Variants in TNPO2 observed in about 807,000 individuals in gnomAD.
The protein encoded by TNPO2 is transportin 2, also known as transportin-2.
In TNPO2, 16 loss-of-function variants were observed where a neutral mutation model predicts 111.1. That is an observed-to-expected ratio of 0.14 (90% CI 0.10 to 0.22). The LOEUF (loss-of-function observed/expected upper bound fraction) is 0.22, where lower values mean the gene tolerates loss of function less well. TNPO2 is among the 10% of genes least tolerant of loss of function. The pLI is 1.00. For synonymous variants in TNPO2, 481 were observed against 475.8 expected, an observed-to-expected ratio of 1.01 and a Z score of -0.14; for missense variants, 530 against 1,173.7, an observed-to-expected ratio of 0.45 and a Z score of 8.01.
chr19:12,722,753 A>C (rs1184103541), intron 2 of TNPO2, among the ~76,000 whole-genome samples: 1 of 151,846 alleles, frequency 6.6e-6, no homozygotes, highest in Non-Finnish European at 1.5e-5. Flanking sequence ...GTGACCAAAG[A>C]GTTGCCGTTT....
At chr19:12,703,320 C>A (rs1385522695) in intron 20 of TNPO2, 108 bp downstream of exon 20, 4 of 1,009,960 alleles carry the variant, frequency 4.0e-6, no homozygotes, top group East Asian at 2.4e-5. Flanking sequence ...CCCTGACGAC[C>A]CCCAAGAGAC....
At position 12,715,719 on chromosome 19, in the gene TNPO2, C is replaced by T. The variant is rs757941948; in HGVS notation, c.346G>A (p.Ala116Thr). 3.1e-6 allele frequency: 5 copies of T among 1,612,522 alleles called. No homozygotes were observed. The highest frequency in any genetic ancestry group is 1.7e-5 in the Admixed American group (1 of 59,786). ...ATIGILITTI[A>T]SKGELQMWPE... ...CACATCTGCAGCTCACCCTTGGAAG[C>T]GATGGTGGTGATGAGAATGCCTGGG... The change falls in exon 6 of 26, where the codon GCT (alanine) becomes ACT (threonine). Residue 116 changes from alanine (A) to threonine (T), a missense_variant. Coordinates refer to ENST00000425528, the MANE Select transcript of TNPO2 (RefSeq NM_001382241.1). The surrounding 1 kb of genome is among the most constrained non-coding windows in gnomAD (Gnocchi z 7.1).
rs1201557384 is a variant in TNPO2 at position 12,702,392 on chromosome 19, T to TTTTTG, written c.2306-220_2306-216dup. On this transcript the variant is annotated intron_variant, in intron 21 of 25. Transcript: ENST00000425528. The surrounding 1 kb of genome is among the most constrained non-coding windows in gnomAD (Gnocchi z 5.5). Reference sequence around the variant, plus strand: ...TTCCTTTCCCTTTCCTTTTTGTTTTTTTTTGTTTTGTTTTGTTTTTGAGAT... The same window carrying TTTTTG: ...TTCCTTTCCCTTTCCTTTTTGTTTTTTTTTGTTTTGTTTTGTTTTGTTTTTGAGAT... 4.4e-6 allele frequency: 3 copies of TTTTTG among 685,070 alleles called. No individual in the cohort carries two copies. The highest frequency in any genetic ancestry group is 3.0e-5 in the South Asian group (2 of 66,242). 42.4% of individuals were successfully genotyped at this position (685,070 alleles called of 1,614,324 possible).
chr19:12,701,517 C>A lies in TNPO2; in HGVS notation c.2587-64G>T. 1.3e-6 allele frequency: 2 copies of A among 1,595,160 alleles called. No homozygotes were observed. Among genetic ancestry groups the A allele is most frequent in the African/African-American group, 1.3e-5 (1 of 74,656 alleles). On this transcript the variant is annotated intron_variant, in intron 24 of 25. Transcript: ENST00000425528. The surrounding 1 kb of genome is among the most constrained non-coding windows in gnomAD (Gnocchi z 5.0). Reference sequence around the variant, plus strand: ...AACAAGGGGAGTGCGCCTCTTCCCCCATCCCCAGGCCCCATTGTTACCAGA... The same window carrying A: ...AACAAGGGGAGTGCGCCTCTTCCCCAATCCCCAGGCCCCATTGTTACCAGA...
intron 20 of TNPO2, chr19:12,703,146 G>GT (rs905431771): frequency 3.4e-6 from 2 of 587,048 alleles, no homozygotes; most frequent in Non-Finnish European, 6.0e-6. Flanking sequence ...AGTCGCTAAG[G>GT]TGACAACACG....
At chr19:12,713,361 C>T (rs994609819) in intron 10 of TNPO2, among the ~76,000 whole-genome samples, 19 of 151,944 alleles carry the variant, frequency 1.3e-4, no homozygotes, top group East Asian at 1.9e-4. Context: ...AATTTGGGGC[C>T]GGGCACAGGG....
intron 13 of TNPO2, among the ~76,000 whole-genome samples, chr19:12,709,955 G>C (rs1344515175): frequency 1.3e-5 from 2 of 152,152 alleles, no homozygotes; most frequent in Admixed American, 6.5e-5. Context: ...ACAAGGTTGA[G>C]GGTTTTTGCT....
intron 10 of TNPO2, among the ~76,000 whole-genome samples, chr19:12,713,848 C>CAA: frequency 6.6e-6 from 1 of 152,200 alleles, no homozygotes; most frequent in Admixed American, 6.6e-5. Flanking sequence ...AGCAACTTAG[C>CAA]AAGACCTCAT....
chr19:12,708,278 T>C (rs2025820876), intron 13 of TNPO2, among the ~76,000 whole-genome samples: 1 of 152,056 alleles, frequency 6.6e-6, no homozygotes, highest in Non-Finnish European at 1.5e-5. Flanking sequence ...ACTACAGGTA[T>C]GCACCACCAC....
Position 12,721,653 on chromosome 19 carries a change from C to A in TNPO2, c.-13-663G>T. 4.0e-6 allele frequency: 1 copy of A among 251,392 alleles called. No homozygotes were observed. Among genetic ancestry groups the A allele is most frequent in the Non-Finnish European group, 7.9e-6 (1 of 127,348 alleles). The allele number at this position is 251,392 out of a possible 1,614,324, so 15.6% of individuals were successfully genotyped here. ...ATTCTAAGGATTCCCCTTAATCAGG[C>A]CCAAAGCAGTCCCCAGGTAGGTCTC... On this transcript the variant is annotated intron_variant, in intron 2 of 25. Coordinates refer to ENST00000425528, the MANE Select transcript of TNPO2 (RefSeq NM_001382241.1). This position sits in a 1 kb window ranked among gnomAD's most constrained non-coding sequence, Gnocchi z 4.9.
At position 12,723,920 on chromosome 19, in the gene TNPO2, G is replaced by T. The variant is rs778450377; in HGVS notation, c.-282C>A. On this transcript the variant is annotated 5_prime_UTR_variant, in exon 1 of 26. It adds an upstream start codon to the 5' untranslated region. Transcript: ENST00000425528. The stretch of plus-strand genomic sequence containing the variant: ...AGCAGTTGGGATTCCGAGGTAGCCA[G>T]TTCCGCTGGACTGAAACCTGGGCTG... The T allele has an allele frequency of 6.6e-6, 1 of 152,278 alleles. No homozygotes were observed. The highest frequency in any genetic ancestry group is 1.5e-5 in the Non-Finnish European group (1 of 68,068). 9.4% of individuals were successfully genotyped at this position (152,278 alleles called of 1,614,324 possible).
rs1232338320 is a variant in TNPO2, at chr19:12,705,227, G to C, written c.2022+13C>G. 1.9e-6 allele frequency: 3 copies of C among 1,597,330 alleles called. No individual in the cohort carries two copies. Among genetic ancestry groups the C allele is most frequent in the Non-Finnish European group, 2.6e-6 (3 of 1,172,882 alleles). The stretch of plus-strand genomic sequence containing the variant: ...GCTGCTGGGTGTCATCACTGTCCAG[G>C]GTCCCCACCCACCTGCATGCACTGG... On this transcript the variant is annotated intron_variant, in intron 18 of 25. Transcript: ENST00000425528. This position sits in a 1 kb window ranked among gnomAD's most constrained non-coding sequence, Gnocchi z 7.2.
rs761149125 is a variant in TNPO2, at chr19:12,715,396, T to C, written c.566+9A>G. The C allele has an allele frequency of 1.4e-5, 23 of 1,613,742 alleles. No individual in the cohort carries two copies. The stretch of plus-strand genomic sequence containing the variant: ...GGCTCCCTGGAAGCCCCCAGGGAGC[T>C]GCACCCACCGGATCTTGGGACTGCA... On this transcript the variant is annotated intron_variant, in intron 7 of 25. Coordinates refer to ENST00000425528, the MANE Select transcript of TNPO2 (RefSeq NM_001382241.1). This position sits in a 1 kb window ranked among gnomAD's most constrained non-coding sequence, Gnocchi z 7.1.
At position 12,719,009 on chromosome 19, in the gene TNPO2, A is replaced by AC. The variant is rs57665219; in HGVS notation, c.325+19dup. The stretch of plus-strand genomic sequence containing the variant: ...GAGTTCAGTGTGTCCTCAGAGGCCA[A>AC]CCCCCGCTGCCCCTCTCACCAATGG... On this transcript the variant is annotated intron_variant, in intron 5 of 25. Transcript: ENST00000425528. This position sits in a 1 kb window ranked among gnomAD's most constrained non-coding sequence, Gnocchi z 5.0. 5,738 of 1,612,294 alleles carry AC rather than the reference A, an allele frequency of 3.6e-3. 162 individuals are homozygous for AC. The African/African-American group carries it at 0.066, about 19-fold the overall frequency.
In TNPO2 at chr19:12,723,807, T is replaced by G. The variant is rs1437787404; in HGVS notation, c.-169A>C. 1.3e-5 allele frequency: 2 copies of G among 152,156 alleles called. No homozygotes were observed. Among genetic ancestry groups the G allele is most frequent in the Non-Finnish European group, 2.9e-5 (2 of 68,028 alleles). The allele number at this position is 152,156 out of a possible 1,614,324, so 9.4% of individuals were successfully genotyped here. On this transcript the variant is annotated 5_prime_UTR_variant, in exon 1 of 26. It removes an upstream start codon present in the reference 5' UTR. Transcript: ENST00000425528. ...AGTCAGTCCCGGCTCCGTTCATTCATGAAAATCAAGTCCCGGGCCTCCAAG... is the reference window on the plus strand; with the variant it reads ...AGTCAGTCCCGGCTCCGTTCATTCAGGAAAATCAAGTCCCGGGCCTCCAAG...
Position 12,701,661 on chromosome 19 carries a change from G to T in TNPO2, c.2523C>A (p.Phe841Leu). ...NPGGVVQDFIFFCDAVASWVS... is the reference protein window; with the variant it reads ...NPGGVVQDFILFCDAVASWVS... ...CCCAGGAGGCTACAGCATCGCAGAAGAAAATAAAGTCCTGAAACGTGACGG... is the reference window on the plus strand; with the variant it reads ...CCCAGGAGGCTACAGCATCGCAGAATAAAATAAAGTCCTGAAACGTGACGG... The change falls in exon 24 of 26, where the codon TTC becomes TTA. Residue 841 changes from phenylalanine to leucine, a missense_variant. This residue lies in a region of TNPO2 where 103 missense variants were observed against 156.7 expected (regional missense o/e 0.66). Transcript: ENST00000425528. This position sits in a 1 kb window ranked among gnomAD's most constrained non-coding sequence, Gnocchi z 5.0. The T allele has an allele frequency of 6.2e-7, 1 of 1,613,858 alleles. No individual in the cohort carries two copies. The highest frequency in any genetic ancestry group is 8.5e-7 in the Non-Finnish European group (1 of 1,179,878).
intron 3 of TNPO2, among the ~76,000 whole-genome samples, chr19:12,720,668 C>A (rs2026632945): frequency 6.6e-6 from 1 of 152,158 alleles, no homozygotes. Flanking sequence ...GTTCGATGAA[C>A]ATTAGGAATT....
At position 12,719,082 on chromosome 19, in the gene TNPO2, T is replaced by C; in HGVS notation, c.272A>G (p.Gln91Arg). The C allele has an allele frequency of 1.2e-6, 2 of 1,614,044 alleles. No individual in the cohort carries two copies. The highest frequency in any genetic ancestry group is 1.7e-6 in the Non-Finnish European group (2 of 1,179,898). ...ATCGCCAATGTTGTTGAGACACTCC[T>C]GTTTGATGAAGTCTGCCACAGGGGG... ...FPPPVADFIK[Q>R]ECLNNIGDAS... Residue 91 changes from glutamine (Q) to arginine (R), a missense_variant, in exon 5 of 26, where the codon CAG (glutamine) becomes CGG (arginine). Transcript: ENST00000425528. The surrounding 1 kb of genome is among the most constrained non-coding windows in gnomAD (Gnocchi z 5.0).
chr19:12,703,685 A>C, intron 19 of TNPO2, 29 bp downstream of exon 19: 3 of 1,603,946 alleles, frequency 1.9e-6, no homozygotes. Flanking sequence ...GGCTGGGGTC[A>C]TGGGTTAGGG....
Sources: allele counts gnomAD v4.1 joint callset (sites outside exome capture counted in the v4.1 genomes callset), GRCh38; gene constraint gnomAD v4.1.1; regional missense constraint gnomAD v4.1.1; non-coding constraint Gnocchi (gnomAD v3.1); transcripts MANE v1.5; gene names NCBI Gene and HGNC (gene_info 2026-07-23, HGNC 2026-07-21).